Variants in STAMBPL1 observed in about 807,000 individuals in gnomAD.
The protein encoded by STAMBPL1 is STAM binding protein like 1.
In STAMBPL1, 44 loss-of-function variants were observed where a neutral mutation model predicts 52.9. That is an observed-to-expected ratio of 0.83 (90% CI 0.65 to 1.07). STAMBPL1 has a LOEUF of 1.07. Ranked by LOEUF, STAMBPL1 falls within the 50% of genes least tolerant of loss-of-function variation. STAMBPL1 has a pLI of 0.00. For synonymous variants in STAMBPL1, 164 were observed against 177.3 expected (o/e 0.92, Z 0.60); for missense variants, 511 against 520.8 (o/e 0.98, Z 0.18).
intron 9 of STAMBPL1, among the ~76,000 whole-genome samples, 193 bp from the exon 10 acceptor site, chr10:88,922,144 C>T (rs569978354): frequency 3.3e-5 from 5 of 152,172 alleles, no homozygotes; most frequent in African/African-American, 1.2e-4. Flanking sequence ...CTCTTAGCAG[C>T]AGCATTGCCT....
intron 1 of STAMBPL1, among the ~76,000 whole-genome samples, chr10:88,898,381 T>TG (rs1844863250): frequency 6.6e-6 from 1 of 152,208 alleles, no homozygotes; most frequent in Non-Finnish European, 1.5e-5. Context: ...GACAGGATCG[T>TG]GGGGAACCTG....
intron 7 of STAMBPL1, among the ~76,000 whole-genome samples, chr10:88,914,863 T>G (rs1253547913): frequency 6.6e-6 from 1 of 152,072 alleles, no homozygotes; most frequent in Non-Finnish European, 1.5e-5. Flanking sequence ...TTGTAAAATT[T>G]CAGAGACACT....
chr10:88,892,725 G>A (rs1844719420), intron 1 of STAMBPL1, among the ~76,000 whole-genome samples: 1 of 152,226 alleles, frequency 6.6e-6, no homozygotes, highest in Non-Finnish European at 1.5e-5. Flanking sequence ...GATTCTTGTG[G>A]TTGGAGAACA....
chr10:88,892,928 G>C (rs904243203), intron 1 of STAMBPL1, among the ~76,000 whole-genome samples: 1 of 152,194 alleles, frequency 6.6e-6, no homozygotes, highest in African/African-American at 2.4e-5. Context: ...GGAAAATGAT[G>C]CTATTTCAAA....
intron 4 of STAMBPL1, 93 bp downstream of exon 4, chr10:88,908,870 C>T (rs1334950116): frequency 9.3e-7 from 1 of 1,080,308 alleles, no homozygotes; most frequent in African/African-American, 1.6e-5. Flanking sequence ...TTCTCTTTCT[C>T]TTGAGAGTTT....
intron 8 of STAMBPL1, among the ~76,000 whole-genome samples, chr10:88,918,306 T>TACAC (rs199604099): frequency 4.9e-5 from 7 of 143,342 alleles, no homozygotes; most frequent in African/African-American, 1.4e-4. Flanking sequence ...CACACACACA[T>TACAC]ACACACACAC....
chr10:88,895,847 A>G (rs1844798407), intron 1 of STAMBPL1, among the ~76,000 whole-genome samples: 1 of 152,244 alleles, frequency 6.6e-6, no homozygotes, highest in African/African-American at 2.4e-5. Context: ...ACTATGCAAA[A>G]TAATTATTTT....
chr10:88,910,071 A>AT (rs967281548), intron 4 of STAMBPL1, among the ~76,000 whole-genome samples: 1 of 151,924 alleles, frequency 6.6e-6, no homozygotes, highest in Non-Finnish European at 1.5e-5. Context: ...GGTTATGCTT[A>AT]TTTTTTTTGT....
Position 88,880,900 on chromosome 10 carries a change from G to A in STAMBPL1, c.-54+262G>A, listed in dbSNP as rs558037720. On this transcript the variant is annotated intron_variant, in intron 1 of 10. Transcript: ENST00000371926. ...TCTGGGTTAGTTTCACCTTGATAGG[G>A]AGGCAGGAAGACCTGGCTGCTGGTG... 2.0e-5 allele frequency among the ~76,000 whole-genome samples: 3 copies of A among 152,348 alleles called. No individual in the cohort carries two copies. In the South Asian group the frequency reaches 6.2e-4, roughly 32 times the overall value.
Position 88,902,443 on chromosome 10 carries a change from G to C in STAMBPL1, c.30+705G>C, listed in dbSNP as rs1452067790. 2.6e-5 allele frequency among the ~76,000 whole-genome samples: 4 copies of C among 152,260 alleles called. No individual in the cohort carries two copies. In the East Asian group the frequency reaches 5.8e-4, roughly 22 times the overall value. ...TTGATGACCCTCCCCAGCCACTCAT[G>C]GTGACCTTGTAGGAGTAGCCCCATG... is the stretch of plus-strand genomic sequence containing the variant. On this transcript the variant is annotated intron_variant, in intron 2 of 10. Transcript: ENST00000371926.
In STAMBPL1 at chr10:88,921,344, A is replaced by G; in HGVS notation, c.1103A>G (p.Gln368Arg). 6.2e-7 allele frequency: 1 copy of G among 1,613,380 alleles called. No homozygotes were observed. The change falls in exon 9 of 11, where the codon CAA becomes CGA. Residue 368 changes from glutamine to arginine, a missense_variant. By Grantham distance (43) the Gln-to-Arg change is conservative (BLOSUM62 1). This residue lies in a region of STAMBPL1 where 137 missense variants were observed against 139.9 expected (regional missense o/e 0.98). Coordinates refer to ENST00000371926, the MANE Select transcript of STAMBPL1 (RefSeq NM_020799.4). Reference protein sequence around the residue: ...SVDLHTHCSYQLMLPEAIAIV... With the variant: ...SVDLHTHCSYRLMLPEAIAIV... ...GATCTTCACACTCACTGTTCCTATC[A>G]ACTCATGTTGCCAGAGGCCATTGCC... is the stretch of plus-strand genomic sequence containing the variant.
intron 5 of STAMBPL1, chr10:88,912,635 G>A (rs986267763): frequency 6.4e-6 from 1 of 157,300 alleles, no homozygotes; most frequent in African/African-American, 2.4e-5. Flanking sequence ...AGCCACATGT[G>A]GCTTCTGGGT....
chr10:88,880,705 G>T (rs1274597632), intron 1 of STAMBPL1, 67 bp downstream of exon 1: 1 of 152,258 alleles, frequency 6.6e-6, no homozygotes, highest in Non-Finnish European at 1.5e-5. Flanking sequence ...CGGCGGGTGC[G>T]TCTGCCTCGT....
chr10:88,899,959 G>T (rs991835386), intron 1 of STAMBPL1, among the ~76,000 whole-genome samples: 6 of 152,108 alleles, frequency 3.9e-5, no homozygotes, highest in African/African-American at 1.4e-4. Context: ...TTCTCACTGA[G>T]AAGTATTAAT....
At chr10:88,921,194 TAA>T in intron 8 of STAMBPL1, 87 bp from the exon 9 acceptor site, 1 of 991,030 alleles carries the variant, frequency 1.0e-6, no homozygotes. Flanking sequence ...TGGTAAAAAC[TAA>T]AAAAAAACAG....
intron 4 of STAMBPL1, among the ~76,000 whole-genome samples, chr10:88,910,154 A>C (rs186001698): frequency 1.2e-4 from 19 of 152,330 alleles, no homozygotes; most frequent in Non-Finnish European, 2.6e-4. Context: ...GAATAAATAC[A>C]TAAATGAATG....
rs1249934939 is a variant in STAMBPL1 at position 88,911,761 on chromosome 10, AG to A, written c.420+752del. Among the ~76,000 whole-genome samples, 7 of 152,180 alleles carry A rather than the reference AG, an allele frequency of 4.6e-5. No individual in the cohort carries two copies. The East Asian group carries it at 1.3e-3, about 29-fold the overall frequency. ...TTGACTTTCTATGGGCATAGGTGGAAGGCTGGCTTGAGTGGAGAGTTTTAAC... is the reference window on the plus strand; with the variant it reads ...TTGACTTTCTATGGGCATAGGTGGAAGCTGGCTTGAGTGGAGAGTTTTAAC... On this transcript the variant is annotated intron_variant, in intron 5 of 10. Coordinates refer to ENST00000371926, the MANE Select transcript of STAMBPL1 (RefSeq NM_020799.4).
At chr10:88,904,971 C>A (rs961522433) in intron 2 of STAMBPL1, among the ~76,000 whole-genome samples, 2 of 151,792 alleles carry the variant, frequency 1.3e-5, no homozygotes, top group African/African-American at 4.8e-5. Context: ...TACTAAACAA[C>A]ACTTATTCTG....
intron 1 of STAMBPL1, among the ~76,000 whole-genome samples, chr10:88,884,256 G>A (rs1249372125): frequency 6.6e-6 from 1 of 152,168 alleles, no homozygotes; most frequent in African/African-American, 2.4e-5. Context: ...ATAATGAAAC[G>A]TGGCCGTTCC....
Sources: gnomAD v4.1 joint callset for allele counts (sites outside exome capture counted in the v4.1 genomes callset) on GRCh38, gnomAD v4.1.1 for gene constraint, gnomAD v4.1.1 regional missense constraint, MANE v1.5 for transcripts, NCBI Gene and HGNC (gene_info 2026-07-23, HGNC 2026-07-21) for gene names.